The following SMAP1 variants were observed in gnomAD, a reference collection of about 807,000 sequenced individuals.
SMAP1 encodes small ArfGAP 1.
Under a neutral mutation model 58.5 loss-of-function variants are expected in SMAP1, and 24 were observed. The ratio of observed to expected loss-of-function variants is 0.41; its 90% CI spans 0.30 to 0.58. The LOEUF is 0.58. Among genes scored for constraint, SMAP1 ranks in the 20% least tolerant of loss-of-function variants. The probability of loss-of-function intolerance (pLI) is 0.29; values close to 1 mark genes in which losing one functional copy is unlikely to be tolerated. For synonymous variants in SMAP1, 216 were observed against 196.6 expected, an observed-to-expected ratio of 1.10 and a Z score of -0.82; for missense variants, 563 against 566.3, an observed-to-expected ratio of 0.99 and a Z score of 0.06.
chr6:70,788,595 A>G (rs753767532), intron 4 of SMAP1, among the ~76,000 whole-genome samples: 3 of 152,194 alleles, frequency 2.0e-5, no homozygotes, highest in African/African-American at 7.2e-5. Flanking sequence ...TTAAAGGATG[A>G]GTAGGAACTA....
intron 4 of SMAP1, among the ~76,000 whole-genome samples, chr6:70,787,006 A>G (rs1405836173): frequency 1.3e-5 from 2 of 152,220 alleles, no homozygotes; most frequent in South Asian, 2.1e-4. Flanking sequence ...GTCCTAAGCC[A>G]AAAGAACAAA....
chr6:70,773,459 G>T (rs776981447), intron 4 of SMAP1, 34 bp downstream of exon 4: 2 of 1,299,738 alleles, frequency 1.5e-6, no homozygotes, highest in Admixed American at 2.2e-5. Flanking sequence ...TCAATTGTTT[G>T]TTGACTAGAT....
intron 2 of SMAP1, among the ~76,000 whole-genome samples, chr6:70,753,990 A>G (rs1339746799): frequency 3.3e-5 from 5 of 152,090 alleles, no homozygotes; most frequent in Non-Finnish European, 7.4e-5. Context: ...TTTTGTTTGA[A>G]GAAAGATAGT....
At chr6:70,767,999 T>C (rs1009150371) in intron 3 of SMAP1, among the ~76,000 whole-genome samples, 1 of 150,988 alleles carries the variant, frequency 6.6e-6, no homozygotes, top group Non-Finnish European at 1.5e-5. Context: ...TCTGCATCTA[T>C]TGAGATAATC....
At chr6:70,687,646 C>T (rs1354882871) in intron 1 of SMAP1, among the ~76,000 whole-genome samples, 2 of 152,026 alleles carry the variant, frequency 1.3e-5, no homozygotes, top group African/African-American at 4.8e-5. Flanking sequence ...GTGTGAATCA[C>T]AGTTGAATAT....
intron 1 of SMAP1, among the ~76,000 whole-genome samples, chr6:70,696,865 G>T (rs1084386): frequency 0.82 from 124,538 of 152,176 alleles, 51,646 homozygotes; most frequent in East Asian, 1. Flanking sequence ...TTAACTTGGG[G>T]TATATCTTTG....
At chr6:70,792,390 A>AT (rs989945634) in intron 5 of SMAP1, among the ~76,000 whole-genome samples, 10 of 146,844 alleles carry the variant, frequency 6.8e-5, no homozygotes, top group East Asian at 2.0e-4. Flanking sequence ...TTCAACTATC[A>AT]TTTTTTCCCG....
chr6:70,749,184 A>G (rs1189226031), intron 2 of SMAP1, among the ~76,000 whole-genome samples: 3 of 152,104 alleles, frequency 2.0e-5, no homozygotes, highest in Non-Finnish European at 4.4e-5. Context: ...CAGGAGAGAG[A>G]GAAGCGTGCA....
chr6:70,819,307 A>G (rs1312741539), intron 6 of SMAP1, among the ~76,000 whole-genome samples: 1 of 145,382 alleles, frequency 6.9e-6, no homozygotes, highest in East Asian at 2.0e-4. Context: ...AAAAAATACC[A>G]TGTTTTAATG....
At chr6:70,711,560 T>C (rs954585552) in intron 1 of SMAP1, among the ~76,000 whole-genome samples, 4 of 151,458 alleles carry the variant, frequency 2.6e-5, no homozygotes, top group Non-Finnish European at 4.4e-5. Context: ...AGAGTTTCAC[T>C]CTTGTCACCC....
At chr6:70,771,407 G>T (rs1214030957) in intron 3 of SMAP1, among the ~76,000 whole-genome samples, 1 of 152,246 alleles carries the variant, frequency 6.6e-6, no homozygotes, top group African/African-American at 2.4e-5. Context: ...GCTCCACCCA[G>T]TTGGAGCTTC....
At chr6:70,674,991 A>G (rs1270240161) in intron 1 of SMAP1, among the ~76,000 whole-genome samples, 1 of 152,090 alleles carries the variant, frequency 6.6e-6, no homozygotes, top group Non-Finnish European at 1.5e-5. Flanking sequence ...AAAAACAAAA[A>G]CAAAAAGTTT....
chr6:70,798,048 C>T (rs1768680749), intron 5 of SMAP1, among the ~76,000 whole-genome samples: 1 of 152,072 alleles, frequency 6.6e-6, no homozygotes, highest in Non-Finnish European at 1.5e-5. Flanking sequence ...TTATACTTCA[C>T]TGCCTTACAC....
rs182945024 is a variant in SMAP1, at chr6:70,836,070, G to A, written c.577-871G>A. On this transcript the variant is annotated intron_variant, in intron 6 of 10. Transcript: ENST00000370455. ...TGTCTCATGTATCATACAGTGTGTG[G>A]ATGATGGGCTAACAGTGTGCTCACG... 7.0e-3 allele frequency among the ~76,000 whole-genome samples: 1,072 copies of A among 152,294 alleles called. 19 individuals are homozygous for A. The highest frequency in any genetic ancestry group is 0.025 in the African/African-American group (1,027 of 41,556).
intron 2 of SMAP1, among the ~76,000 whole-genome samples, chr6:70,735,978 A>C (rs1205086357): frequency 6.6e-6 from 1 of 152,142 alleles, no homozygotes; most frequent in Non-Finnish European, 1.5e-5. Context: ...CTTTGAGCCC[A>C]GTCAAGCTGT....
At chr6:70,710,664 C>G (rs1768019385) in intron 1 of SMAP1, among the ~76,000 whole-genome samples, 1 of 151,936 alleles carries the variant, frequency 6.6e-6, no homozygotes, top group Non-Finnish European at 1.5e-5. Context: ...TACACTTAGG[C>G]TAGAATAAAT....
At chr6:70,714,148 A>G (rs1768169952) in intron 1 of SMAP1, among the ~76,000 whole-genome samples, 1 of 152,066 alleles carries the variant, frequency 6.6e-6, no homozygotes, top group Admixed American at 6.5e-5. Flanking sequence ...TTTCTTGTAG[A>G]CAATGTATAG....
At position 70,797,360 on chromosome 6, in the gene SMAP1, G is replaced by A. The variant is rs558928283; in HGVS notation, c.496-1297G>A. Among the ~76,000 whole-genome samples, 18 of 152,200 alleles carry A rather than the reference G, an allele frequency of 1.2e-4. No individual in the cohort carries two copies. The East Asian group carries it at 3.3e-3, about 28-fold the overall frequency. On this transcript the variant is annotated intron_variant, in intron 5 of 10. Coordinates refer to ENST00000370455, the MANE Select transcript of SMAP1 (RefSeq NM_001044305.3). ...TATATATCTGGTTTAATACTTAGAA[G>A]ACTATCACTGTGTAATGAATATTGA...
chr6:70,807,603 A>G (rs780567619), intron 6 of SMAP1, among the ~76,000 whole-genome samples: 27 of 152,208 alleles, frequency 1.8e-4, no homozygotes, highest in Non-Finnish European at 3.4e-4. Flanking sequence ...CTTTCAGTTT[A>G]ATCAGATTTT....
Sources: gnomAD v4.1 joint callset for allele counts (sites outside exome capture counted in the v4.1 genomes callset) on GRCh38, gnomAD v4.1.1 for gene constraint, MANE v1.5 for transcripts, NCBI Gene and HGNC (gene_info 2026-07-23, HGNC 2026-07-21) for gene names.